The following RBM44 variants were observed in gnomAD, a reference collection of about 807,000 sequenced individuals.
The protein encoded by RBM44 is RNA-binding protein 44.
In RBM44, 66 loss-of-function variants were observed where a neutral mutation model predicts 105.1. The ratio of observed to expected loss-of-function variants is 0.63; its 90% CI spans 0.52 to 0.77. RBM44 has a LOEUF of 0.77. RBM44 is among the 30% of genes least tolerant of loss of function. RBM44 has a pLI of 0.00. For missense variants in RBM44, 1,122 were observed against 1,207.8 expected (o/e 0.93, Z 1.05); for synonymous variants, 365 against 417.6 (o/e 0.87, Z 1.54).
Position 237,818,370 on chromosome 2 carries a change from C to A in RBM44, c.1451C>A (p.Thr484Lys), listed in dbSNP as rs2061744808. The A allele has an allele frequency of 6.2e-7, 1 of 1,611,022 alleles. No homozygotes were observed. Among genetic ancestry groups the A allele is most frequent in the Middle Eastern group, 1.7e-4 (1 of 6,034 alleles). ...FRACFTTSRA[T>K]SARPSVVSTS... ...GCTTGTTTCACAACCAGCAGGGCAA[C>A]AAGTGCAAGACCTTCTGTAGTATCT... Residue 484 changes from threonine (T) to lysine (K), a missense_variant, in exon 3 of 16, where the codon ACA (threonine) becomes AAA (lysine). Physicochemically the swap from Thr to Lys is moderately conservative, Grantham distance 78. Transcript: ENST00000316997. This position sits in a 1 kb window ranked among gnomAD's most constrained non-coding sequence, Gnocchi z 4.6.
In RBM44 at chr2:237,824,382, A is replaced by G. The variant is rs1435187551; in HGVS notation, c.2412A>G (p.Gln804=). 5.0e-6 allele frequency: 8 copies of G among 1,612,838 alleles called. No individual in the cohort carries two copies. Among genetic ancestry groups the G allele is most frequent in the South Asian group, 1.1e-5 (1 of 90,998 alleles). The change falls in exon 10 of 16, where the codon CAA becomes CAG. Residue 804 remains glutamine, a synonymous_variant. Transcript: ENST00000316997. ...ACGTCTCAGGGACACAGGGAAATCA[A>G]GTAGAACAAGACACATGGAATTTGG... ...GVDVSGTQGN[Q]VEQDTWNLDL...
chr2:237,815,384 C>A (rs974109922), intron 2 of RBM44, among the ~76,000 whole-genome samples: 1 of 151,976 alleles, frequency 6.6e-6, no homozygotes, highest in South Asian at 2.1e-4. Context: ...CCTCATCGTC[C>A]TCCTCATTTT....
chr2:237,834,002 C>G lies in RBM44; in HGVS notation c.2892C>G (p.Val964=). The G allele has an allele frequency of 6.6e-7, 1 of 1,523,864 alleles. No homozygotes were observed. The highest frequency in any genetic ancestry group is 8.8e-7 in the Non-Finnish European group (1 of 1,131,420). 94.4% of individuals were successfully genotyped at this position (1,523,864 alleles called of 1,614,324 possible). A position where few individuals can be genotyped will look rare whatever the true frequency, so the allele number is the denominator to read the frequency against. Residue 964 remains valine (V), a synonymous_variant, in exon 14 of 16, where the codon GTC becomes GTG. Coordinates refer to ENST00000316997, the MANE Select transcript of RBM44 (RefSeq NM_001080504.3). ...CTTTTTAAATGCTTATTTAGGGTGT[C>G]AAGAAGAATTGTAAGCAGATTGAAT... ...DSEVFPSDQG[V]KKNCKQIESA...
intron 15 of RBM44, among the ~76,000 whole-genome samples, chr2:237,836,056 A>T (rs964845592): frequency 6.6e-6 from 1 of 152,238 alleles, no homozygotes; most frequent in Non-Finnish European, 1.5e-5. Context: ...ACAGCCATCT[A>T]CTGAAAGAAG....
chr2:237,810,559 A>G (rs976717994), intron 1 of RBM44, among the ~76,000 whole-genome samples: 1 of 152,216 alleles, frequency 6.6e-6, no homozygotes, highest in Admixed American at 6.5e-5. Context: ...TGTTATGCCT[A>G]TGCACAGTAA....
intron 13 of RBM44, among the ~76,000 whole-genome samples, chr2:237,830,980 A>C (rs1041790344): frequency 9.2e-5 from 14 of 151,954 alleles, no homozygotes; most frequent in African/African-American, 3.1e-4. Flanking sequence ...ATAGATCAGC[A>C]CAAGAATAAA....
At position 237,842,599 on chromosome 2, in the gene RBM44, GTTCT is replaced by G. The variant is rs1454656280; in HGVS notation, c.*786_*789del. The G allele has an allele frequency of 1.3e-5, 2 of 152,004 alleles. No individual in the cohort carries two copies. Among genetic ancestry groups the G allele is most frequent in the African/African-American group, 4.8e-5 (2 of 41,422 alleles). The allele number at this position is 152,004 out of a possible 1,614,324, so 9.4% of individuals were successfully genotyped here. ...ATCTGATAGAAATATAGAATAGATA[GTTCT>G]TTAATTGCTTACTTTTTAAAAGTAA... is the stretch of plus-strand genomic sequence containing the variant. On this transcript the variant is annotated 3_prime_UTR_variant, in exon 16 of 16. Coordinates refer to ENST00000316997, the MANE Select transcript of RBM44 (RefSeq NM_001080504.3).
At chr2:237,801,514 CAG>C (rs1001886670) in intron 1 of RBM44, among the ~76,000 whole-genome samples, 2 of 152,052 alleles carry the variant, frequency 1.3e-5, no homozygotes, top group African/African-American at 2.4e-5. Context: ...TTGTTAGAAA[CAG>C]GGGTTTCACC....
chr2:237,814,447 T>C (rs2061691620), intron 2 of RBM44, among the ~76,000 whole-genome samples: 2 of 152,140 alleles, frequency 1.3e-5, no homozygotes, highest in South Asian at 4.1e-4. Context: ...CTACTGGAGA[T>C]TGGACATGAT....
intron 1 of RBM44, chr2:237,799,279 C>G (rs1466103525): frequency 6.6e-6 from 1 of 152,416 alleles, no homozygotes; most frequent in African/African-American, 2.4e-5. Flanking sequence ...GTTCCGTACT[C>G]AGGCGTGTGT....
chr2:237,832,566 G>T (rs948066498), intron 13 of RBM44, among the ~76,000 whole-genome samples: 1 of 152,208 alleles, frequency 6.6e-6, no homozygotes, highest in African/African-American at 2.4e-5. Flanking sequence ...GGGCCATGGG[G>T]TTGGGAGAGA....
intron 15 of RBM44, among the ~76,000 whole-genome samples, chr2:237,837,920 G>C (rs936288811): frequency 6.6e-6 from 1 of 151,286 alleles, no homozygotes; most frequent in Non-Finnish European, 1.5e-5. Flanking sequence ...ACAAAGCAGT[G>C]GCAAAGTTTG....
intron 1 of RBM44, among the ~76,000 whole-genome samples, chr2:237,802,694 C>T (rs557162274): frequency 3.3e-5 from 5 of 152,280 alleles, no homozygotes; most frequent in African/African-American, 9.6e-5. Flanking sequence ...TTCATAGAGC[C>T]AGTGACTGAT....
In RBM44 at chr2:237,823,535, A is replaced by G. The variant is rs1277258275; in HGVS notation, c.2301A>G (p.Gln767=). 6.0e-6 allele frequency: 9 copies of G among 1,495,398 alleles called. No individual in the cohort carries two copies. The highest frequency in any genetic ancestry group is 8.2e-6 in the Non-Finnish European group (9 of 1,095,618). 92.6% of individuals were successfully genotyped at this position (1,495,398 alleles called of 1,614,324 possible). A position where few individuals can be genotyped will look rare whatever the true frequency, so the allele number is the denominator to read the frequency against. ...GTGATATAAATGCAGACTTTAGTCA[A>G]CTGAAACTTGGTGATAAAGGTTAGT... is the stretch of plus-strand genomic sequence containing the variant. ...KNGDINADFS[Q]LKLGDKDCRH... The change falls in exon 9 of 16, where the codon CAA becomes CAG. Residue 767 remains glutamine (Q), a synonymous_variant. Coordinates refer to ENST00000316997, the MANE Select transcript of RBM44 (RefSeq NM_001080504.3).
Position 237,823,296 on chromosome 2 carries a change from T to G in RBM44, c.2206-144T>G, listed in dbSNP as rs139160315. On this transcript the variant is annotated intron_variant, in intron 8 of 15. Transcript: ENST00000316997. ...GTTACTTAGATTCTGTTCTCTCACATGTCAGGTCAGGTTGATAATGTTTTC... is the reference window on the plus strand; with the variant it reads ...GTTACTTAGATTCTGTTCTCTCACAGGTCAGGTCAGGTTGATAATGTTTTC... The G allele has an allele frequency of 9.5e-5, 50 of 526,634 alleles. No homozygotes were observed. In the East Asian group the frequency reaches 1.5e-3, roughly 16 times the overall value. 32.6% of individuals were successfully genotyped at this position (526,634 alleles called of 1,614,324 possible). A position where few individuals can be genotyped will look rare whatever the true frequency, so the allele number is the denominator to read the frequency against.
chr2:237,809,595 G>A (rs192291203), intron 1 of RBM44, among the ~76,000 whole-genome samples: 114 of 152,066 alleles, frequency 7.5e-4, no homozygotes, highest in Non-Finnish European at 1.4e-3. Context: ...TTCAACTTTG[G>A]AATGCCTCAG....
intron 14 of RBM44, 34 bp from the exon 15 acceptor site, chr2:237,834,244 G>C (rs1438107135): frequency 6.5e-7 from 1 of 1,546,770 alleles, no homozygotes; most frequent in South Asian, 1.2e-5. Context: ...CTTTGGAAAA[G>C]ACAAATACTC....
intron 15 of RBM44, among the ~76,000 whole-genome samples, chr2:237,839,190 T>C (rs2061987008): frequency 6.6e-6 from 1 of 152,168 alleles, no homozygotes; most frequent in African/African-American, 2.4e-5. Flanking sequence ...CCAGTTGATA[T>C]CAGAACAACG....
At chr2:237,807,827 TTAGAG>T (rs1156909707) in intron 1 of RBM44, among the ~76,000 whole-genome samples, 3 of 152,174 alleles carry the variant, frequency 2.0e-5, no homozygotes, top group South Asian at 2.1e-4. Flanking sequence ...CAAATTTCAG[TTAGAG>T]TAAAGAGATT....
Sources: allele counts gnomAD v4.1 joint callset (sites outside exome capture counted in the v4.1 genomes callset), GRCh38; gene constraint gnomAD v4.1.1; non-coding constraint Gnocchi (gnomAD v3.1); transcripts MANE v1.5; gene names NCBI Gene and HGNC (gene_info 2026-07-23, HGNC 2026-07-21).